CNTN4: variants seen among roughly 807,000 people sequenced by gnomAD.
CNTN4 encodes the protein contactin-4.
A neutral mutation model predicts 122.5 loss-of-function variants in CNTN4; 77 were observed. The observed-to-expected ratio is 0.63, with a 90% CI of 0.52 to 0.76. The LOEUF (loss-of-function observed/expected upper bound fraction) is 0.76. Among genes scored for constraint, CNTN4 ranks in the 30% least tolerant of loss-of-function variants. CNTN4 has a pLI of 0.00. For missense variants in CNTN4, 1,256 were observed against 1,259.1 expected (o/e 1.00, Z 0.04); for synonymous variants, 512 against 447.0 (o/e 1.15, Z -1.83).
At chr3:3,010,080 C>T in intron 14 of CNTN4, among the ~76,000 whole-genome samples, 1 of 152,104 alleles carries the variant, frequency 6.6e-6, no homozygotes, top group East Asian at 1.9e-4. Context: ...TGAACACTCA[C>T]TAAATCCCTG....
At chr3:2,443,350 C>T (rs2151298890) in intron 3 of CNTN4, among the ~76,000 whole-genome samples, 1 of 152,276 alleles carries the variant, frequency 6.6e-6, no homozygotes, top group Non-Finnish European at 1.5e-5. Flanking sequence ...GTTGTGGTCT[C>T]ATTTGTCAGC....
chr3:2,744,081 CCG>C (rs2089621404), intron 5 of CNTN4, among the ~76,000 whole-genome samples: 1 of 152,104 alleles, frequency 6.6e-6, no homozygotes, highest in Non-Finnish European at 1.5e-5. Flanking sequence ...TCCCGAAGTG[CCG>C]AGATTACAGG....
intron 9 of CNTN4, 117 bp from the exon 10 acceptor site, chr3:2,886,923 T>A: frequency 1.3e-6 from 1 of 751,564 alleles, no homozygotes; most frequent in Non-Finnish European, 2.2e-6. Flanking sequence ...GAGGAATGAA[T>A]GAAGTTTGCA....
chr3:2,187,014 T>A (rs2037302868), intron 2 of CNTN4, among the ~76,000 whole-genome samples: 1 of 152,236 alleles, frequency 6.6e-6, no homozygotes, highest in Non-Finnish European at 1.5e-5. Context: ...GCCTATGTCC[T>A]GAATGGTATT....
intron 4 of CNTN4, among the ~76,000 whole-genome samples, chr3:2,678,657 C>T (rs1051354920): frequency 6.6e-6 from 1 of 152,130 alleles, no homozygotes; most frequent in African/African-American, 2.4e-5. Context: ...TCTAGGATTC[C>T]TCAGGCCATC....
intron 14 of CNTN4, among the ~76,000 whole-genome samples, chr3:3,015,444 T>A (rs1469273558): frequency 6.6e-6 from 1 of 152,174 alleles, no homozygotes; most frequent in Admixed American, 6.5e-5. Flanking sequence ...GTAGCTAATA[T>A]TGTCTACCAA....
At chr3:2,320,377 C>A (rs2043238553) in intron 2 of CNTN4, among the ~76,000 whole-genome samples, 1 of 152,118 alleles carries the variant, frequency 6.6e-6, no homozygotes, top group Non-Finnish European at 1.5e-5. Context: ...AAATCCTGAA[C>A]TAATATTAGG....
chr3:2,412,567 C>G (rs538514663), intron 3 of CNTN4, among the ~76,000 whole-genome samples: 2 of 152,050 alleles, frequency 1.3e-5, no homozygotes, highest in Non-Finnish European at 2.9e-5. Context: ...CAACAGTTCT[C>G]GTGTCAGATG....
chr3:2,204,148 C>A (rs1036280464), intron 2 of CNTN4, among the ~76,000 whole-genome samples: 15 of 152,056 alleles, frequency 9.9e-5, no homozygotes, highest in African/African-American at 3.4e-4. Flanking sequence ...CATCAGGAGT[C>A]ATGTGAATAC....
At chr3:2,948,032 T>G (rs1219636075) in intron 13 of CNTN4, among the ~76,000 whole-genome samples, 1 of 152,204 alleles carries the variant, frequency 6.6e-6, no homozygotes, top group Non-Finnish European at 1.5e-5. Context: ...TTTTTTGAAC[T>G]GGTTTTTACC....
chr3:2,468,563 A>G (rs774042603), intron 3 of CNTN4, among the ~76,000 whole-genome samples: 14 of 152,184 alleles, frequency 9.2e-5, no homozygotes, highest in Admixed American at 1.3e-4. Flanking sequence ...ATCAGTCAGA[A>G]TGTGTTAGGC....
In CNTN4 at chr3:2,100,250, G is replaced by T. The variant is rs537991432; in HGVS notation, c.-226-308G>T. ...AGTTTTCCTGCTGGAATCAACATAG[G>T]GGCGGGCACATGTTTGTCAGAATAA... On this transcript the variant is annotated intron_variant, in intron 1 of 24. Transcript: ENST00000418658. 3.9e-5 allele frequency among the ~76,000 whole-genome samples: 6 copies of T among 152,302 alleles called. No individual in the cohort carries two copies. In the East Asian group the frequency reaches 1.2e-3, roughly 29 times the overall value.
intron 12 of CNTN4, among the ~76,000 whole-genome samples, chr3:2,905,365 C>T (rs2094218012): frequency 6.6e-6 from 1 of 152,170 alleles, no homozygotes; most frequent in African/African-American, 2.4e-5. Flanking sequence ...GCCAGCATGG[C>T]CGGGTTCCGG....
intron 12 of CNTN4, among the ~76,000 whole-genome samples, chr3:2,925,364 GC>G (rs1292485960): frequency 6.6e-6 from 1 of 152,040 alleles, no homozygotes; most frequent in African/African-American, 2.4e-5. Flanking sequence ...GACCATCCTG[GC>G]CAACATGGTG....
At chr3:2,779,320 G>A (rs988334211) in intron 6 of CNTN4, among the ~76,000 whole-genome samples, 2 of 152,108 alleles carry the variant, frequency 1.3e-5, no homozygotes, top group Non-Finnish European at 2.9e-5. Flanking sequence ...AGGCTTGAGT[G>A]CAATGGTGCG....
intron 2 of CNTN4, among the ~76,000 whole-genome samples, chr3:2,306,287 T>C (rs911373216): frequency 6.6e-6 from 1 of 152,206 alleles, no homozygotes; most frequent in African/African-American, 2.4e-5. Flanking sequence ...CCCATTCTTG[T>C]CAGCTCTATA....
intron 3 of CNTN4, among the ~76,000 whole-genome samples, chr3:2,499,662 G>C (rs1401207149): frequency 6.6e-6 from 1 of 151,788 alleles, no homozygotes; most frequent in Non-Finnish European, 1.5e-5. Flanking sequence ...CTTATTACTG[G>C]GTAAATTGAT....
chr3:3,029,680 A>G (rs894197749), intron 15 of CNTN4, among the ~76,000 whole-genome samples: 1 of 152,196 alleles, frequency 6.6e-6, no homozygotes, highest in African/African-American at 2.4e-5. Context: ...AACAGGGACT[A>G]TATGGGTTCA....
In CNTN4 at chr3:3,016,592, T is replaced by G. The variant is rs187461272; in HGVS notation, c.1487-9510T>G. On this transcript the variant is annotated intron_variant, in intron 14 of 24. Coordinates refer to ENST00000418658, the MANE Select transcript of CNTN4 (RefSeq NM_175607.3). ...AAACAAAAACCTCCTTATTAATCGT[T>G]GTGACCAAGTTAGAGACTTGGGAGG... Among the ~76,000 whole-genome samples, 132 of 152,310 alleles carry G rather than the reference T, an allele frequency of 8.7e-4. 1 individual carries two copies. Among genetic ancestry groups the G allele is most frequent in the Middle Eastern group, 3.4e-3 (1 of 294 alleles).
Sources: allele counts gnomAD v4.1 joint callset (sites outside exome capture counted in the v4.1 genomes callset), GRCh38; gene constraint gnomAD v4.1.1; transcripts MANE v1.5; gene names NCBI Gene and HGNC (gene_info 2026-07-23, HGNC 2026-07-21).